RBFOX1: variants seen among roughly 807,000 people sequenced by gnomAD.
RBFOX1 encodes the protein RNA binding protein fox-1 homolog 1.
RBFOX1 carries 8 observed loss-of-function variants against 57.7 expected under a neutral mutation model. The ratio of observed to expected loss-of-function variants is 0.14; its 90% CI spans 0.08 to 0.25. The LOEUF (loss-of-function observed/expected upper bound fraction) is 0.25. Ranked by LOEUF, RBFOX1 falls within the 10% of genes least tolerant of loss-of-function variation. The pLI, the probability that RBFOX1 is intolerant of heterozygous loss-of-function variation, is 1.00. For synonymous variants in RBFOX1, 326 were observed against 222.4 expected, an observed-to-expected ratio of 1.47 and a Z score of -4.15; for missense variants, 611 against 548.5, an observed-to-expected ratio of 1.11 and a Z score of -1.14.
chr16:7,032,628 C>T (rs1285408262), intron 3 of RBFOX1, among the ~76,000 whole-genome samples: 2 of 152,014 alleles, frequency 1.3e-5, no homozygotes, highest in South Asian at 2.1e-4. Flanking sequence ...CGAGTATTTT[C>T]CCTCCTCAAG....
At chr16:5,958,945 C>A (rs1012028761) in intron 4 of RBFOX1, among the ~76,000 whole-genome samples, 1 of 152,200 alleles carries the variant, frequency 6.6e-6, no homozygotes, top group African/African-American at 2.4e-5. Flanking sequence ...CAACCTAAAT[C>A]ACATCTGCAG....
intron 4 of RBFOX1, among the ~76,000 whole-genome samples, chr16:7,156,447 A>C (rs764683321): frequency 7.9e-5 from 12 of 152,104 alleles, no homozygotes; most frequent in Non-Finnish European, 1.3e-4. Flanking sequence ...AGATATGCAT[A>C]TATGTGTACA....
chr16:5,923,542 T>TC (rs1479573119), intron 4 of RBFOX1, among the ~76,000 whole-genome samples: 2 of 125,286 alleles, frequency 1.6e-5, no homozygotes, highest in Non-Finnish European at 3.5e-5. Context: ...TTTTTTTTTT[T>TC]TTTTTTTTCT....
chr16:5,312,645 C>G (rs761304420), intron 1 of RBFOX1, among the ~76,000 whole-genome samples: 1 of 152,152 alleles, frequency 6.6e-6, no homozygotes, highest in Non-Finnish European at 1.5e-5. Flanking sequence ...GATATGGGAT[C>G]CATTAGGCTC....
chr16:6,615,415 C>A (rs917220213), intron 2 of RBFOX1, among the ~76,000 whole-genome samples: 1 of 152,076 alleles, frequency 6.6e-6, no homozygotes, highest in Non-Finnish European at 1.5e-5. Flanking sequence ...ACTAAAAATA[C>A]AAAAATTAGC....
intron 3 of RBFOX1, among the ~76,000 whole-genome samples, chr16:5,690,870 A>G (rs909944470): frequency 6.6e-6 from 1 of 152,036 alleles, no homozygotes; most frequent in Admixed American, 6.5e-5. Context: ...TTTTATTTCT[A>G]CTTATGCCAA....
At chr16:7,218,755 A>G (rs1567757692) in intron 4 of RBFOX1, among the ~76,000 whole-genome samples, 2 of 149,276 alleles carry the variant, frequency 1.3e-5, no homozygotes, top group Non-Finnish European at 3.0e-5. Context: ...AGTAGTTTTC[A>G]GCAGAGATTG....
At chr16:7,445,314 C>T (rs2098799707) in intron 4 of RBFOX1, among the ~76,000 whole-genome samples, 1 of 152,136 alleles carries the variant, frequency 6.6e-6, no homozygotes, top group Non-Finnish European at 1.5e-5. Context: ...GTAATCTTAG[C>T]TTCTGAACAA....
At chr16:7,126,919 G>T (rs767709921) in intron 4 of RBFOX1, among the ~76,000 whole-genome samples, 1 of 150,000 alleles carries the variant, frequency 6.7e-6, no homozygotes, top group African/African-American at 2.5e-5. Context: ...TGAGGCAGGA[G>T]AATAGCTTAA....
intron 2 of RBFOX1, among the ~76,000 whole-genome samples, chr16:5,495,861 C>T (rs971822778): frequency 1.3e-5 from 2 of 152,230 alleles, no homozygotes; most frequent in African/African-American, 4.8e-5. Flanking sequence ...CATGGTGGCT[C>T]ACGCCTGTAA....
chr16:5,949,769 C>A (rs1410658884), intron 4 of RBFOX1, among the ~76,000 whole-genome samples: 1 of 152,132 alleles, frequency 6.6e-6, no homozygotes, highest in Non-Finnish European at 1.5e-5. Flanking sequence ...TAATTCATCA[C>A]CCCGAATATT....
intron 4 of RBFOX1, among the ~76,000 whole-genome samples, chr16:5,900,563 C>A (rs904874151): frequency 6.6e-6 from 1 of 152,178 alleles, no homozygotes; most frequent in Non-Finnish European, 1.5e-5. Flanking sequence ...TTCATCGCAA[C>A]CTTCCTGCTC....
intron 3 of RBFOX1, among the ~76,000 whole-genome samples, chr16:6,806,733 C>T (rs2086852567): frequency 6.8e-6 from 1 of 146,978 alleles, no homozygotes; most frequent in Non-Finnish European, 1.5e-5. Flanking sequence ...GAGCATCTTT[C>T]TGTTTTTTCT....
intron 2 of RBFOX1, among the ~76,000 whole-genome samples, chr16:6,585,971 A>T (rs534587325): frequency 6.6e-6 from 1 of 152,316 alleles, no homozygotes; most frequent in South Asian, 2.1e-4. Flanking sequence ...ACAGTTTTAA[A>T]CGTTCAAAAC....
At chr16:6,510,116 C>G (rs765105225) in intron 2 of RBFOX1, among the ~76,000 whole-genome samples, 3 of 152,112 alleles carry the variant, frequency 2.0e-5, no homozygotes, top group Admixed American at 6.5e-5. Context: ...CTTCCTCTAT[C>G]CTGAGCTCTT....
intron 4 of RBFOX1, among the ~76,000 whole-genome samples, chr16:7,094,484 A>C (rs1211133624): frequency 2.0e-5 from 3 of 152,110 alleles, no homozygotes; most frequent in African/African-American, 7.2e-5. Flanking sequence ...GGTTCTGGGG[A>C]CTGGATAGAA....
chr16:6,752,940 A>G (rs569515630), intron 3 of RBFOX1, among the ~76,000 whole-genome samples: 1 of 152,212 alleles, frequency 6.6e-6, no homozygotes, highest in East Asian at 1.9e-4. Flanking sequence ...CGGTGTGAAT[A>G]TGTAATAATT....
chr16:7,445,584 C>T, intron 4 of RBFOX1, among the ~76,000 whole-genome samples: 1 of 152,092 alleles, frequency 6.6e-6, no homozygotes, highest in Non-Finnish European at 1.5e-5. Context: ...TGTCCCCTGC[C>T]CAGAAAACTC....
intron 2 of RBFOX1, among the ~76,000 whole-genome samples, chr16:6,588,113 C>A (rs1054239584): frequency 1.3e-5 from 2 of 151,852 alleles, no homozygotes; most frequent in Non-Finnish European, 2.9e-5. Context: ...CACCTGTAAT[C>A]CCAGCTACTC....
Sources: allele counts gnomAD v4.1 joint callset (sites outside exome capture counted in the v4.1 genomes callset), GRCh38; gene constraint gnomAD v4.1.1; transcripts MANE v1.5; gene names NCBI Gene and HGNC (gene_info 2026-07-23, HGNC 2026-07-21).